Variants in PLCB1 observed in about 807,000 individuals in gnomAD.
The protein encoded by PLCB1 is phospholipase C beta 1.
Under a neutral mutation model 161.8 loss-of-function variants are expected in PLCB1, and 46 were observed. The observed-to-expected ratio is 0.28, with a 90% confidence interval of 0.22 to 0.36. The LOEUF (loss-of-function observed/expected upper bound fraction) is 0.36, where lower values mean the gene tolerates loss of function less well. PLCB1 is among the 10% of genes least tolerant of loss of function. The probability of loss-of-function intolerance (pLI) is 1.00; values close to 1 mark genes in which losing one functional copy is unlikely to be tolerated. For missense variants in PLCB1, 1,016 were observed against 1,472.5 expected, an observed-to-expected ratio of 0.69 and a Z score of 5.07; for synonymous variants, 517 against 503.7, an observed-to-expected ratio of 1.03 and a Z score of -0.35.
chr20:8,795,265 A>G (rs912308277), intron 31 of PLCB1, among the ~76,000 whole-genome samples: 4 of 152,158 alleles, frequency 2.6e-5, no homozygotes, highest in African/African-American at 9.7e-5. Flanking sequence ...TTCATTTTGT[A>G]GGTAATTTTG....
chr20:8,761,543 A>G (rs1336659852), intron 25 of PLCB1, among the ~76,000 whole-genome samples: 1 of 152,186 alleles, frequency 6.6e-6, no homozygotes, highest in Non-Finnish European at 1.5e-5. Context: ...TTTTGAGACA[A>G]AGTCTCACTC....
In PLCB1 at chr20:8,839,735, T is replaced by TAAAA. The variant is rs71331333; in HGVS notation, c.3424-41873_3424-41870dup. On this transcript the variant is annotated intron_variant, in intron 31 of 31. Coordinates refer to ENST00000338037, the MANE Select transcript of PLCB1 (RefSeq NM_015192.4). ...AGTCACATTATTTTTTAGTAATTCT[T>TAAAA]AAAAAAAAAAAAAAAAAGCCTTGGC... 9.2e-5 allele frequency among the ~76,000 whole-genome samples: 10 copies of TAAAA among 108,874 alleles called. No individual in the cohort carries two copies. In the East Asian group the frequency reaches 2.0e-3, roughly 22 times the overall value. The allele number at this position is 108,874 out of a possible 152,430, so 71.4% of individuals were successfully genotyped here.
At chr20:8,364,678 A>G (rs909155931) in intron 2 of PLCB1, among the ~76,000 whole-genome samples, 51 of 152,230 alleles carry the variant, frequency 3.4e-4, no homozygotes, top group African/African-American at 1.2e-3. Context: ...TATGTCAAAC[A>G]CTATACAAAT....
intron 11 of PLCB1, among the ~76,000 whole-genome samples, chr20:8,698,672 G>A (rs187187239): frequency 3.9e-5 from 6 of 152,222 alleles, no homozygotes; most frequent in Admixed American, 3.9e-4. Context: ...TATTAGAGAG[G>A]ACTTACAGGA....
At chr20:8,571,391 A>C (rs1273695334) in intron 3 of PLCB1, among the ~76,000 whole-genome samples, 1 of 152,196 alleles carries the variant, frequency 6.6e-6, no homozygotes, top group East Asian at 1.9e-4. Flanking sequence ...CTGAGGCAGG[A>C]GAATCACTTG....
At chr20:8,447,476 A>C (rs1489519607) in intron 3 of PLCB1, among the ~76,000 whole-genome samples, 1 of 152,216 alleles carries the variant, frequency 6.6e-6, no homozygotes, top group Non-Finnish European at 1.5e-5. Context: ...CCAGTGTGTA[A>C]TTGGTCTGGA....
intron 31 of PLCB1, among the ~76,000 whole-genome samples, chr20:8,847,000 AGAGGAG>A (rs1568623224): frequency 1.3e-5 from 2 of 152,222 alleles, no homozygotes; most frequent in African/African-American, 4.8e-5. Flanking sequence ...TATTGGAATC[AGAGGAG>A]CTTTGAGAAA....
chr20:8,768,063 G>A (rs566904802), intron 26 of PLCB1, among the ~76,000 whole-genome samples: 1 of 152,114 alleles, frequency 6.6e-6, no homozygotes, highest in African/African-American at 2.4e-5. Flanking sequence ...CCAGCTACTT[G>A]GGAGGCTGAG....
intron 3 of PLCB1, among the ~76,000 whole-genome samples, chr20:8,502,351 T>C (rs1480593737): frequency 6.6e-6 from 1 of 152,204 alleles, no homozygotes; most frequent in Non-Finnish European, 1.5e-5. Flanking sequence ...TTAATAGCCA[T>C]ATAATTTTCT....
chr20:8,242,001 G>A (rs1980637079), intron 2 of PLCB1, among the ~76,000 whole-genome samples: 1 of 151,926 alleles, frequency 6.6e-6, no homozygotes, highest in Admixed American at 6.6e-5. Context: ...GCTTTGGGAA[G>A]TATAATTTTG....
chr20:8,210,200 A>G (rs554632797), intron 2 of PLCB1, among the ~76,000 whole-genome samples: 67 of 152,282 alleles, frequency 4.4e-4, no homozygotes, highest in African/African-American at 1.6e-3. Context: ...GGTGAAAATT[A>G]TTATTACTAA....
Position 8,632,051 on chromosome 20 carries a change from T to G in PLCB1, c.384+3620T>G, listed in dbSNP as rs921031757. Among the ~76,000 whole-genome samples, 254 of 143,156 alleles carry G rather than the reference T, an allele frequency of 1.8e-3. 1 individual carries two copies. The highest frequency in any genetic ancestry group is 5.4e-3 in the African/African-American group (211 of 39,184). The allele number at this position is 143,156 out of a possible 152,430, so 93.9% of individuals were successfully genotyped here. A position where few individuals can be genotyped will look rare whatever the true frequency, so the allele number is the denominator to read the frequency against. ...TTTTTTTTGCTTTTTTTTTTTTTTTTTTTTTTTTTTTTTTTTGCCTGCTGA... is the reference window on the plus strand; with the variant it reads ...TTTTTTTTGCTTTTTTTTTTTTTTTGTTTTTTTTTTTTTTTTGCCTGCTGA... On this transcript the variant is annotated intron_variant, in intron 4 of 31. Transcript: ENST00000338037.
intron 3 of PLCB1, among the ~76,000 whole-genome samples, chr20:8,443,576 A>G (rs966954525): frequency 1.1e-4 from 17 of 151,984 alleles, no homozygotes; most frequent in Admixed American, 7.2e-4. Flanking sequence ...TTTCTTTCCT[A>G]CTCCTTACCC....
chr20:8,276,373 G>T (rs1982545225), intron 2 of PLCB1, among the ~76,000 whole-genome samples: 1 of 152,066 alleles, frequency 6.6e-6, no homozygotes, highest in Admixed American at 6.5e-5. Flanking sequence ...CCATTTTTCT[G>T]CTGTATCCTT....
intron 3 of PLCB1, among the ~76,000 whole-genome samples, chr20:8,573,815 T>C (rs1261897725): frequency 1.3e-5 from 2 of 152,216 alleles, no homozygotes; most frequent in Non-Finnish European, 2.9e-5. Flanking sequence ...GTTTCCTTCA[T>C]GGCTTTCAGG....
chr20:8,783,041 G>C (rs764893296), intron 27 of PLCB1, among the ~76,000 whole-genome samples: 1 of 152,182 alleles, frequency 6.6e-6, no homozygotes. Context: ...GAGAACAAGC[G>C]TGAAGTTTTA....
intron 3 of PLCB1, among the ~76,000 whole-genome samples, chr20:8,540,334 C>T (rs904481649): frequency 6.6e-6 from 1 of 152,094 alleles, no homozygotes; most frequent in Non-Finnish European, 1.5e-5. Flanking sequence ...CGTGGTGAAG[C>T]GTCTATCAGA....
chr20:8,775,066 A>C lies in PLCB1; in HGVS notation c.3111+347A>C, dbSNP rs1204394803. Among the ~76,000 whole-genome samples, 6 of 127,678 alleles carry C rather than the reference A, an allele frequency of 4.7e-5. No individual in the cohort carries two copies. In the East Asian group the frequency reaches 1.2e-3, roughly 25 times the overall value. 83.8% of individuals were successfully genotyped at this position (127,678 alleles called of 152,430 possible). ...GAAATTAAGAACATGTTGCAAACAA[A>C]TTTTCCCTTTTTTTTTTTTTTTTTT... On this transcript the variant is annotated intron_variant, in intron 27 of 31. Transcript: ENST00000338037.
intron 2 of PLCB1, among the ~76,000 whole-genome samples, chr20:8,178,916 C>T (rs1329578955): frequency 1.3e-5 from 2 of 152,096 alleles, no homozygotes; most frequent in Non-Finnish European, 2.9e-5. Context: ...CTTGTTTTGT[C>T]GACTGTGTCG....
Sources: allele counts gnomAD v4.1 joint callset (sites outside exome capture counted in the v4.1 genomes callset), GRCh38; gene constraint gnomAD v4.1.1; transcripts MANE v1.5; gene names NCBI Gene and HGNC (gene_info 2026-07-23, HGNC 2026-07-21).